The following PDE3A variants were observed in gnomAD, a reference collection of about 807,000 sequenced individuals.
The protein encoded by PDE3A is cGMP-inhibited 3',5'-cyclic phosphodiesterase 3A.
PDE3A carries 43 observed loss-of-function variants against 98.3 expected under a neutral mutation model. The ratio of observed to expected loss-of-function variants is 0.44; its 90% CI spans 0.34 to 0.56. The LOEUF (loss-of-function observed/expected upper bound fraction) is 0.56, where lower values mean the gene tolerates loss of function less well. Ranked by LOEUF, PDE3A falls within the 20% of genes least tolerant of loss-of-function variation. The pLI is 0.01. For missense variants in PDE3A, 1,427 were observed against 1,440.7 expected (o/e 0.99, Z 0.15); for synonymous variants, 663 against 567.9 (o/e 1.17, Z -2.38).
intron 5 of PDE3A, among the ~76,000 whole-genome samples, chr12:20,629,362 A>T (rs1382411643): frequency 6.6e-6 from 1 of 152,178 alleles, no homozygotes; most frequent in African/African-American, 2.4e-5. Flanking sequence ...ACTCTTTCAC[A>T]CCGAAAGGTC....
At chr12:20,498,626 C>T (rs1338201078) in intron 1 of PDE3A, among the ~76,000 whole-genome samples, 3 of 151,122 alleles carry the variant, frequency 2.0e-5, no homozygotes, top group Non-Finnish European at 1.5e-5. Context: ...AACCAATCTG[C>T]CATGGATATC....
At chr12:20,433,344 A>G (rs76854788) in intron 1 of PDE3A, among the ~76,000 whole-genome samples, 6,943 of 152,236 alleles carry the variant, frequency 0.046, 227 homozygotes, top group Non-Finnish European at 0.067. Flanking sequence ...ATGAAACAAG[A>G]CAAGTGTTCA....
intron 1 of PDE3A, among the ~76,000 whole-genome samples, chr12:20,461,880 A>T (rs193089930): frequency 6.6e-6 from 1 of 152,190 alleles, no homozygotes; most frequent in Non-Finnish European, 1.5e-5. Context: ...ATCTCTCTGC[A>T]GTGTATCAGA....
chr12:20,637,247 G>T lies in PDE3A; in HGVS notation c.2139+10G>T, dbSNP rs769947187. ...CCGTATTCTTAGTCAGGTAAGAAAT[G>T]CATTCATTCACACTAATTTAAATAT... On this transcript the variant is annotated intron_variant, in intron 9 of 15. Coordinates refer to ENST00000359062, the MANE Select transcript of PDE3A (RefSeq NM_000921.5). 8 of 1,586,924 alleles carry T rather than the reference G, an allele frequency of 5.0e-6. No homozygotes were observed. The highest frequency in any genetic ancestry group is 6.0e-6 in the Non-Finnish European group (7 of 1,160,966).
chr12:20,569,547 T>A (rs1942745197), intron 2 of PDE3A, among the ~76,000 whole-genome samples: 1 of 152,118 alleles, frequency 6.6e-6, no homozygotes. Flanking sequence ...CATTACCCTA[T>A]TTAATATTTT....
At chr12:20,572,355 G>A (rs1942819457) in intron 2 of PDE3A, among the ~76,000 whole-genome samples, 1 of 151,888 alleles carries the variant, frequency 6.6e-6, no homozygotes, top group South Asian at 2.1e-4. Flanking sequence ...ATATGACCTG[G>A]GACCAAAAAA....
intron 1 of PDE3A, among the ~76,000 whole-genome samples, chr12:20,395,102 G>A (rs956147017): frequency 6.6e-6 from 1 of 152,046 alleles, no homozygotes; most frequent in Non-Finnish European, 1.5e-5. Flanking sequence ...CAGTGATTAA[G>A]ATGCTGGATT....
intron 4 of PDE3A, among the ~76,000 whole-genome samples, chr12:20,618,906 A>G (rs1021884769): frequency 1.3e-5 from 2 of 152,090 alleles, no homozygotes; most frequent in African/African-American, 2.4e-5. Flanking sequence ...TACGGGGATA[A>G]TAAGAGCATA....
chr12:20,373,395 G>C (rs1943514689), intron 1 of PDE3A, among the ~76,000 whole-genome samples: 1 of 152,006 alleles, frequency 6.6e-6, no homozygotes, highest in Non-Finnish European at 1.5e-5. Flanking sequence ...GAGGTACCTA[G>C]ACTTTCTTGG....
At chr12:20,551,632 G>T (rs891162918) in intron 1 of PDE3A, 72 of 1,582,208 alleles carry the variant, frequency 4.6e-5, no homozygotes, top group Non-Finnish European at 6.0e-5. Context: ...CATGTGCGAT[G>T]AGTGCGACAT....
intron 15 of PDE3A, among the ~76,000 whole-genome samples, chr12:20,668,171 T>C (rs1294487954): frequency 6.6e-6 from 1 of 152,032 alleles, no homozygotes; most frequent in African/African-American, 2.4e-5. Context: ...CATGAGATTA[T>C]ATCCCGCACC....
rs1033055163 is a variant in PDE3A, at chr12:20,688,519, C to T, written c.*8248C>T. Among the ~76,000 whole-genome samples the T allele has an allele frequency of 2.6e-5, 4 of 151,246 alleles. No homozygotes were observed. Among genetic ancestry groups the T allele is most frequent in the African/African-American group, 9.7e-5 (4 of 41,160 alleles). On this transcript the variant is annotated 3_prime_UTR_variant, in exon 16 of 16. Coordinates refer to ENST00000359062, the MANE Select transcript of PDE3A (RefSeq NM_000921.5). ...ATACTCAAAATTATTAAAATTATGT[C>T]CTAGATTATCTATGTCGATGTTATG...
At chr12:20,487,055 A>G (rs561359856) in intron 1 of PDE3A, among the ~76,000 whole-genome samples, 3 of 152,326 alleles carry the variant, frequency 2.0e-5, no homozygotes, top group African/African-American at 7.2e-5. Context: ...TATTGAAATA[A>G]TCAATGCTTA....
At chr12:20,603,836 T>C (rs1385693973) in intron 2 of PDE3A, among the ~76,000 whole-genome samples, 1 of 152,170 alleles carries the variant, frequency 6.6e-6, no homozygotes, top group Non-Finnish European at 1.5e-5. Flanking sequence ...ATACAGTCGA[T>C]ATTACTATTA....
At chr12:20,391,538 T>C (rs1350108437) in intron 1 of PDE3A, among the ~76,000 whole-genome samples, 4 of 151,568 alleles carry the variant, frequency 2.6e-5, no homozygotes, top group Admixed American at 2.6e-4. Context: ...ATGCTTTCAC[T>C]ACTCTTCTAG....
chr12:20,676,260 T>C (rs1945636156), intron 15 of PDE3A, among the ~76,000 whole-genome samples: 1 of 152,178 alleles, frequency 6.6e-6, no homozygotes, highest in African/African-American at 2.4e-5. Context: ...AGTGCTGGTC[T>C]AGTGGTGATG....
intron 1 of PDE3A, among the ~76,000 whole-genome samples, chr12:20,486,648 T>G (rs1163474295): frequency 6.6e-6 from 1 of 152,234 alleles, no homozygotes; most frequent in African/African-American, 2.4e-5. Context: ...TTGTTTGTTT[T>G]TTTGAGACAG....
intron 1 of PDE3A, among the ~76,000 whole-genome samples, chr12:20,465,277 T>A (rs577883841): frequency 6.6e-6 from 1 of 152,316 alleles, no homozygotes; most frequent in African/African-American, 2.4e-5. Context: ...TGGTTCATAT[T>A]ACGTTGTTGG....
chr12:20,614,039 C>T (rs1437344676), intron 3 of PDE3A, among the ~76,000 whole-genome samples: 1 of 152,066 alleles, frequency 6.6e-6, no homozygotes, highest in Non-Finnish European at 1.5e-5. Context: ...AGGCAGAAAT[C>T]CTTGCTCCTT....
Sources: allele counts gnomAD v4.1 joint callset (sites outside exome capture counted in the v4.1 genomes callset), GRCh38; gene constraint gnomAD v4.1.1; transcripts MANE v1.5; gene names NCBI Gene and HGNC (gene_info 2026-07-23, HGNC 2026-07-21).